The following ZEB2 variants were observed in gnomAD, a reference collection of about 807,000 sequenced individuals.
The protein encoded by ZEB2 is zinc finger E-box binding homeobox 2, also known as zinc finger E-box-binding homeobox 2.
Under a neutral mutation model 99.9 loss-of-function variants are expected in ZEB2, and 6 were observed. The ratio of observed to expected loss-of-function variants is 0.06; its 90% CI spans 0.03 to 0.12. The LOEUF (loss-of-function observed/expected upper bound fraction) is 0.12, where lower values mean the gene tolerates loss of function less well. Ranked by LOEUF, ZEB2 falls within the 10% of genes least tolerant of loss-of-function variation. ZEB2 has a pLI of 1.00. For missense variants in ZEB2, 969 were observed against 1,502.8 expected (o/e 0.64, Z 5.87); for synonymous variants, 517 against 542.5 (o/e 0.95, Z 0.65).
intron 9 of ZEB2, among the ~76,000 whole-genome samples, chr2:144,392,181 T>C (rs1402706845): frequency 6.6e-6 from 1 of 152,208 alleles, no homozygotes; most frequent in African/African-American, 2.4e-5. Flanking sequence ...ACGGCGTGTA[T>C]GGGCAAACTG....
chr2:144,470,380 T>A (rs1424484481), intron 2 of ZEB2: 1 of 152,182 alleles, frequency 6.6e-6, no homozygotes, highest in Non-Finnish European at 1.5e-5. Context: ...TAGTACAAGA[T>A]GATCAAAGCC....
intron 4 of ZEB2, among the ~76,000 whole-genome samples, chr2:144,417,417 G>A (rs951122496): frequency 2.0e-5 from 3 of 151,900 alleles, no homozygotes; most frequent in Admixed American, 2.0e-4. Context: ...GTTATCCAGG[G>A]TAAGAAGAAA....
intron 2 of ZEB2, among the ~76,000 whole-genome samples, chr2:144,508,889 A>C (rs950224290): frequency 5.9e-5 from 9 of 152,076 alleles, no homozygotes; most frequent in Non-Finnish European, 1.3e-4. Context: ...CTAATATTTT[A>C]AAAGCTAGAA....
chr2:144,410,364 G>A (rs1399981661), intron 4 of ZEB2, among the ~76,000 whole-genome samples: 1 of 152,110 alleles, frequency 6.6e-6, no homozygotes, highest in African/African-American at 2.4e-5. Context: ...GCTTATTAAT[G>A]ACACTTTTAT....
chr2:144,472,401 A>G (rs1704370366), intron 2 of ZEB2, among the ~76,000 whole-genome samples: 1 of 152,144 alleles, frequency 6.6e-6, no homozygotes, highest in South Asian at 2.1e-4. Context: ...CTCAAAATTT[A>G]CATGCAAGGA....
At position 144,457,994 on chromosome 2, in the gene ZEB2, C is replaced by T. The variant is rs999397877; in HGVS notation, c.74-27968G>A. 5.9e-5 allele frequency among the ~76,000 whole-genome samples: 9 copies of T among 152,098 alleles called. No individual in the cohort carries two copies. The South Asian group carries it at 6.2e-4, about 11-fold the overall frequency. On this transcript the variant is annotated intron_variant, in intron 2 of 9. Transcript: ENST00000627532. ...TGTACTTGGAGCATTTATACTAAGG[C>T]GAATTTAGAGATCAGATACATAATG...
At chr2:144,455,602 G>A (rs1044196759) in intron 2 of ZEB2, among the ~76,000 whole-genome samples, 1 of 152,154 alleles carries the variant, frequency 6.6e-6, no homozygotes, top group East Asian at 1.9e-4. Context: ...AATGCTTCCC[G>A]GGAGGGAATT....
chr2:144,392,460 A>G (rs1325655479), intron 9 of ZEB2, among the ~76,000 whole-genome samples: 5 of 152,218 alleles, frequency 3.3e-5, no homozygotes, highest in Non-Finnish European at 1.5e-5. Flanking sequence ...TAGACATTCA[A>G]TTTTCAGAGA....
chr2:144,414,503 G>C (rs1200564709), intron 4 of ZEB2, among the ~76,000 whole-genome samples: 3 of 152,044 alleles, frequency 2.0e-5, no homozygotes, highest in Non-Finnish European at 4.4e-5. Flanking sequence ...CCCATCCCAT[G>C]ACGGCTAGTG....
intron 2 of ZEB2, among the ~76,000 whole-genome samples, chr2:144,467,323 G>A (rs1704286153): frequency 6.6e-6 from 1 of 152,100 alleles, no homozygotes; most frequent in African/African-American, 2.4e-5. Flanking sequence ...CTCAAATCAT[G>A]TGGAATGTTA....
At chr2:144,430,848 T>A (rs905499706) in intron 2 of ZEB2, 3 of 152,208 alleles carry the variant, frequency 2.0e-5, no homozygotes, top group Non-Finnish European at 2.9e-5. Context: ...CAATTGAAGG[T>A]GGCTGTTTCT....
intron 2 of ZEB2, among the ~76,000 whole-genome samples, chr2:144,456,673 A>G (rs1704125900): frequency 6.6e-6 from 1 of 152,156 alleles, no homozygotes; most frequent in African/African-American, 2.4e-5. Flanking sequence ...AGTAACTCTA[A>G]TAAATTTTTC....
rs201944188 is a variant in ZEB2, at chr2:144,440,515, ATTTTTT to A, written c.74-10495_74-10490del. 5.1e-3 allele frequency among the ~76,000 whole-genome samples: 166 copies of A among 32,766 alleles called. 1 individual carries two copies. Among genetic ancestry groups the A allele is most frequent in the South Asian group, 0.013 (14 of 1,092 alleles). The allele number at this position is 32,766 out of a possible 152,430, so 21.5% of individuals were successfully genotyped here. The stretch of plus-strand genomic sequence containing the variant: ...TATATATATATATATATATATATAT[ATTTTTT>A]TTTTTTTTTTTTTTTTTTTTTAACT... On this transcript the variant is annotated intron_variant, in intron 2 of 9. Transcript: ENST00000627532.
At chr2:144,444,638 C>G (rs1703960172) in intron 2 of ZEB2, among the ~76,000 whole-genome samples, 1 of 152,224 alleles carries the variant, frequency 6.6e-6, no homozygotes, top group Non-Finnish European at 1.5e-5. Context: ...TAAATCACAT[C>G]TGTTCCCCCT....
chr2:144,384,804 T>G lies in ZEB2; in HGVS notation c.*4647A>C, dbSNP rs1248696581. ...ACTGTGCACAGTTTAACAATTTAATTGAAAAAACCAAAGCTAAGCCTTCAG... is the reference window on the plus strand; with the variant it reads ...ACTGTGCACAGTTTAACAATTTAATGGAAAAAACCAAAGCTAAGCCTTCAG... On this transcript the variant is annotated 3_prime_UTR_variant, in exon 10 of 10. Coordinates refer to ENST00000627532, the MANE Select transcript of ZEB2 (RefSeq NM_014795.4). 1 of 152,164 alleles carries G rather than the reference T, an allele frequency of 6.6e-6. No homozygotes were observed. Among genetic ancestry groups the G allele is most frequent in the Non-Finnish European group, 1.5e-5 (1 of 68,012 alleles). The allele number at this position is 152,164 out of a possible 1,614,324, so 9.4% of individuals were successfully genotyped here.
At chr2:144,400,293 C>A in intron 7 of ZEB2, 23 bp from the exon 8 acceptor site, 1 of 1,600,106 alleles carries the variant, frequency 6.2e-7, no homozygotes, top group Middle Eastern at 1.7e-4. Flanking sequence ...TTAAAATTAC[C>A]GTTACATTTC....
intron 2 of ZEB2, chr2:144,512,167 G>A: frequency 7.8e-7 from 1 of 1,287,212 alleles, no homozygotes; most frequent in Non-Finnish European, 1.0e-6. Context: ...AATTGTCTGT[G>A]AGCATTGCAA....
At chr2:144,437,497 C>T (rs1378768559) in intron 2 of ZEB2, among the ~76,000 whole-genome samples, 3 of 152,080 alleles carry the variant, frequency 2.0e-5, no homozygotes, top group Non-Finnish European at 4.4e-5. Context: ...CTATACAAAC[C>T]ATCAGAAGGA....
intron 2 of ZEB2, among the ~76,000 whole-genome samples, chr2:144,450,834 C>A (rs1704046054): frequency 1.3e-5 from 2 of 152,152 alleles, no homozygotes; most frequent in Non-Finnish European, 2.9e-5. Flanking sequence ...CACCACCACG[C>A]CTGGTTAATT....
Sources: allele counts gnomAD v4.1 joint callset (sites outside exome capture counted in the v4.1 genomes callset), GRCh38; gene constraint gnomAD v4.1.1; transcripts MANE v1.5; gene names NCBI Gene and HGNC (gene_info 2026-07-23, HGNC 2026-07-21).